Variants in FOXP1 observed in about 807,000 individuals in gnomAD.
FOXP1 encodes the protein forkhead box P1.
A neutral mutation model predicts 98.2 loss-of-function variants in FOXP1; 15 were observed. That is an observed-to-expected ratio of 0.15 (90% CI 0.10 to 0.24). FOXP1 has a LOEUF of 0.24. Ranked by LOEUF, FOXP1 falls within the 10% of genes least tolerant of loss-of-function variation. The pLI, the probability that FOXP1 is intolerant of heterozygous loss-of-function variation, is 1.00. For missense variants in FOXP1, 633 were observed against 848.5 expected, an observed-to-expected ratio of 0.75 and a Z score of 3.15; for synonymous variants, 371 against 314.5, an observed-to-expected ratio of 1.18 and a Z score of -1.90.
In FOXP1 at chr3:71,230,968, G is replaced by GA. The variant is rs1436854326; in HGVS notation, c.-11-32577dup. Reference sequence around the variant, plus strand: ...GTAAGACAGGCTTGCCAGAGAACGGGAAAAAATTCCAGTAGAGTCTGACTA... The same window carrying GA: ...GTAAGACAGGCTTGCCAGAGAACGGGAAAAAAATTCCAGTAGAGTCTGACTA... On this transcript the variant is annotated intron_variant, in intron 5 of 20. Transcript: ENST00000649528. Among the ~76,000 whole-genome samples the GA allele has an allele frequency of 2.0e-5, 3 of 152,132 alleles. No homozygotes were observed. The East Asian group carries it at 5.8e-4, about 29-fold the overall frequency.
In FOXP1 at chr3:71,078,247, T is replaced by C. The variant is rs543597291; in HGVS notation, c.283-24474A>G. On this transcript the variant is annotated intron_variant, in intron 7 of 20. Coordinates refer to ENST00000649528, the MANE Select transcript of FOXP1 (RefSeq NM_001349338.3). ...GTTAAGGAAAAAGTAACTAAGTCCTTGCTAAATAATAGCATCTCTATAGGT... is the reference window on the plus strand; with the variant it reads ...GTTAAGGAAAAAGTAACTAAGTCCTCGCTAAATAATAGCATCTCTATAGGT... Among the ~76,000 whole-genome samples, 26 of 152,342 alleles carry C rather than the reference T, an allele frequency of 1.7e-4. No individual in the cohort carries two copies. The South Asian group carries it at 5.0e-3, about 29-fold the overall frequency.
At chr3:71,304,996 C>T (rs970577785) in intron 4 of FOXP1, among the ~76,000 whole-genome samples, 5 of 152,082 alleles carry the variant, frequency 3.3e-5, no homozygotes, top group Non-Finnish European at 2.9e-5. Context: ...GGATGGTTCA[C>T]CCTTGTTAAT....
At chr3:71,281,558 C>T (rs944344920) in intron 5 of FOXP1, among the ~76,000 whole-genome samples, 52 of 152,240 alleles carry the variant, frequency 3.4e-4, no homozygotes, top group African/African-American at 1.1e-3. Flanking sequence ...TTTCTGCCCA[C>T]ATTGCTCAAC....
At chr3:71,365,133 G>C (rs2078831657) in intron 3 of FOXP1, among the ~76,000 whole-genome samples, 1 of 152,198 alleles carries the variant, frequency 6.6e-6, no homozygotes, top group South Asian at 2.1e-4. Flanking sequence ...TCAGAACATT[G>C]ATTGAGGGTT....
intron 6 of FOXP1, among the ~76,000 whole-genome samples, chr3:71,162,217 C>T (rs2061173173): frequency 6.6e-6 from 1 of 152,166 alleles, no homozygotes; most frequent in South Asian, 2.1e-4. Context: ...GAAAGTTAAA[C>T]AGCATTTACC....
intron 6 of FOXP1, among the ~76,000 whole-genome samples, chr3:71,173,057 A>G (rs1239764046): frequency 6.6e-6 from 1 of 152,180 alleles, no homozygotes; most frequent in Non-Finnish European, 1.5e-5. Context: ...ACCTCTATCA[A>G]CATTCTCAGA....
At chr3:71,077,631 C>T (rs1236439518) in intron 7 of FOXP1, among the ~76,000 whole-genome samples, 1 of 152,184 alleles carries the variant, frequency 6.6e-6, no homozygotes, top group Admixed American at 6.5e-5. Flanking sequence ...CTGTGCTAGT[C>T]ACTTCATCAT....
chr3:71,482,679 C>T (rs1203721170), intron 3 of FOXP1, among the ~76,000 whole-genome samples: 2 of 151,840 alleles, frequency 1.3e-5, no homozygotes, highest in African/African-American at 2.4e-5. Flanking sequence ...GGATTACAGG[C>T]GTCTGCCACC....
chr3:71,124,388 T>C (rs897529340), intron 6 of FOXP1, among the ~76,000 whole-genome samples: 1 of 151,770 alleles, frequency 6.6e-6, no homozygotes, highest in Non-Finnish European at 1.5e-5. Flanking sequence ...AAAAAGAATA[T>C]TTAAAAAATC....
At chr3:71,354,294 G>A (rs576733045) in intron 4 of FOXP1, among the ~76,000 whole-genome samples, 4 of 151,666 alleles carry the variant, frequency 2.6e-5, no homozygotes, top group African/African-American at 7.2e-5. Flanking sequence ...AAAAAAAAGA[G>A]AGAGAGAAGA....
intron 6 of FOXP1, among the ~76,000 whole-genome samples, chr3:71,118,535 A>C (rs2058540358): frequency 6.6e-6 from 1 of 152,182 alleles, no homozygotes; most frequent in African/African-American, 2.4e-5. Flanking sequence ...AATCTTTCTA[A>C]AATGTTTTGC....
At chr3:70,976,658 C>T (rs963354364) in intron 17 of FOXP1, among the ~76,000 whole-genome samples, 2 of 152,118 alleles carry the variant, frequency 1.3e-5, no homozygotes, top group East Asian at 1.9e-4. Context: ...CACTTCTGGG[C>T]GACGGTGTTG....
At chr3:71,549,641 C>CT (rs1350279376) in intron 2 of FOXP1, among the ~76,000 whole-genome samples, 1 of 152,138 alleles carries the variant, frequency 6.6e-6, no homozygotes, top group Non-Finnish European at 1.5e-5. Context: ...TCCCAAAGTA[C>CT]TGGGATTACA....
chr3:71,516,186 C>T (rs1358541696), intron 2 of FOXP1, among the ~76,000 whole-genome samples: 1 of 152,100 alleles, frequency 6.6e-6, no homozygotes, highest in African/African-American at 2.4e-5. Flanking sequence ...CGTAAAATAA[C>T]GGCCTTGTAA....
intron 12 of FOXP1, 84 bp from the exon 13 acceptor site, chr3:71,001,143 T>C (rs1258593291): frequency 9.4e-7 from 1 of 1,060,274 alleles, no homozygotes; most frequent in Non-Finnish European, 1.4e-6. Context: ...AAGCATAAAC[T>C]AGGCAGCGGG....
At chr3:71,213,151 C>G (rs945408267) in intron 5 of FOXP1, among the ~76,000 whole-genome samples, 1 of 152,044 alleles carries the variant, frequency 6.6e-6, no homozygotes, top group Admixed American at 6.6e-5. Context: ...AAGGGAGAAA[C>G]TCTAATGTAA....
intron 2 of FOXP1, among the ~76,000 whole-genome samples, chr3:71,548,382 C>G (rs1482677330): frequency 1.3e-5 from 2 of 152,020 alleles, no homozygotes; most frequent in Non-Finnish European, 2.9e-5. Flanking sequence ...AACGTATTTC[C>G]TGTCCCCCTT....
Position 71,086,068 on chromosome 3 carries a change from C to T in FOXP1, c.282+26468G>A, listed in dbSNP as rs540211368. ...AAAGAAACAAAGTTTTCTATTTTGC[C>T]CAAGGTCATGGTGGCAGGTCACGAT... On this transcript the variant is annotated intron_variant, in intron 7 of 20. Coordinates refer to ENST00000649528, the MANE Select transcript of FOXP1 (RefSeq NM_001349338.3). Among the ~76,000 whole-genome samples, 6 of 152,182 alleles carry T rather than the reference C, an allele frequency of 3.9e-5. No homozygotes were observed. In the South Asian group the frequency reaches 8.3e-4, roughly 21 times the overall value.
chr3:71,147,190 C>T (rs2060352218), intron 6 of FOXP1, among the ~76,000 whole-genome samples: 1 of 152,238 alleles, frequency 6.6e-6, no homozygotes, highest in Non-Finnish European at 1.5e-5. Flanking sequence ...TCTTTGCTTC[C>T]CTTCTTGCCC....
Sources: gnomAD v4.1 joint callset for allele counts (sites outside exome capture counted in the v4.1 genomes callset) on GRCh38, gnomAD v4.1.1 for gene constraint, MANE v1.5 for transcripts, NCBI Gene and HGNC (gene_info 2026-07-23, HGNC 2026-07-21) for gene names.